The following SYT1 variants were observed in gnomAD, a reference collection of about 807,000 sequenced individuals.
SYT1 encodes the protein synaptotagmin-1.
A neutral mutation model predicts 44.8 loss-of-function variants in SYT1; 8 were observed. The observed-to-expected ratio is 0.18, with a 90% confidence interval of 0.10 to 0.32. The LOEUF (loss-of-function observed/expected upper bound fraction) is 0.32, where lower values mean the gene tolerates loss of function less well. Among genes scored for constraint, SYT1 ranks in the 10% least tolerant of loss-of-function variants. The probability of loss-of-function intolerance (pLI) is 1.00; values close to 1 mark genes in which losing one functional copy is unlikely to be tolerated. For synonymous variants in SYT1, 154 were observed against 188.8 expected, an observed-to-expected ratio of 0.82 and a Z score of 1.51; for missense variants, 286 against 509.3, an observed-to-expected ratio of 0.56 and a Z score of 4.22.
intron 8 of SYT1, among the ~76,000 whole-genome samples, chr12:79,314,918 C>T (rs115652028): frequency 0.011 from 1,635 of 152,286 alleles, 27 homozygotes; most frequent in African/African-American, 0.036. Context: ...TGCTATAACA[C>T]TCATGAGCCA....
chr12:79,408,201 C>A (rs1027916522), intron 9 of SYT1, among the ~76,000 whole-genome samples: 1 of 152,068 alleles, frequency 6.6e-6, no homozygotes, highest in Non-Finnish European at 1.5e-5. Flanking sequence ...GGTTCATTGT[C>A]GATTCTGGAC....
intron 9 of SYT1, among the ~76,000 whole-genome samples, chr12:79,369,239 T>C (rs1883684877): frequency 6.6e-6 from 1 of 152,164 alleles, no homozygotes; most frequent in Non-Finnish European, 1.5e-5. Flanking sequence ...CCCAGAACTT[T>C]AGAAGGCTGA....
chr12:79,381,476 T>C (rs1452656011), intron 9 of SYT1, among the ~76,000 whole-genome samples: 1 of 152,224 alleles, frequency 6.6e-6, no homozygotes, highest in African/African-American at 2.4e-5. Flanking sequence ...GTGTACTTAC[T>C]TCCCATCTTA....
At chr12:78,962,046 C>T (rs1200370936) in intron 1 of SYT1, among the ~76,000 whole-genome samples, 1 of 151,962 alleles carries the variant, frequency 6.6e-6, no homozygotes, top group Non-Finnish European at 1.5e-5. Flanking sequence ...GGTTTCTTCT[C>T]GTTTTTGTTT....
At chr12:78,988,958 T>C (rs1174699635) in intron 2 of SYT1, among the ~76,000 whole-genome samples, 1 of 152,124 alleles carries the variant, frequency 6.6e-6, no homozygotes, top group Non-Finnish European at 1.5e-5. Context: ...CTTATGGCTG[T>C]ACACTACTGA....
chr12:78,964,693 G>C (rs1381622367), intron 1 of SYT1, among the ~76,000 whole-genome samples: 2 of 152,144 alleles, frequency 1.3e-5, no homozygotes, highest in African/African-American at 4.8e-5. Flanking sequence ...ATTCCTGTAA[G>C]TGTTATGACC....
At chr12:79,121,338 A>G (rs1487875912) in intron 3 of SYT1, among the ~76,000 whole-genome samples, 25 of 152,198 alleles carry the variant, frequency 1.6e-4, no homozygotes, top group Admixed American at 1.6e-3. Context: ...CTGCAGGAGT[A>G]GATAGCCTCA....
chr12:79,044,266 G>T (rs993485093), intron 2 of SYT1, among the ~76,000 whole-genome samples: 12 of 152,250 alleles, frequency 7.9e-5, no homozygotes, highest in African/African-American at 2.9e-4. Flanking sequence ...AGGTACACCA[G>T]TCAGACGTAG....
intron 4 of SYT1, among the ~76,000 whole-genome samples, chr12:79,241,379 TC>T (rs961522268): frequency 3.2e-4 from 49 of 152,228 alleles, no homozygotes; most frequent in African/African-American, 1.2e-3. Context: ...CACGTGATTC[TC>T]CTGCCTCAGC....
chr12:79,345,892 A>T (rs1349391608), intron 8 of SYT1, among the ~76,000 whole-genome samples: 1 of 152,218 alleles, frequency 6.6e-6, no homozygotes, highest in Non-Finnish European at 1.5e-5. Flanking sequence ...TTGGGTCTCC[A>T]TTTGTATGTC....
At position 78,930,073 on chromosome 12, in the gene SYT1, G is replaced by A. The variant is rs183934206; in HGVS notation, c.-216-47726G>A. ...CAGGGATAAAATTTCAGTTAAACTG[G>A]AGGAATAAGTTTTAGTAATCTATTG... On this transcript the variant is annotated intron_variant, in intron 1 of 10. Coordinates refer to ENST00000261205, the MANE Select transcript of SYT1 (RefSeq NM_005639.3). Among the ~76,000 whole-genome samples, 531 of 152,206 alleles carry A rather than the reference G, an allele frequency of 3.5e-3. 2 individuals carry two copies. Among genetic ancestry groups the A allele is most frequent in the South Asian group, 0.014 (68 of 4,826 alleles).
chr12:79,031,093 A>G (rs1266791089), intron 2 of SYT1, among the ~76,000 whole-genome samples: 1 of 151,102 alleles, frequency 6.6e-6, no homozygotes, highest in East Asian at 1.9e-4. Flanking sequence ...TTAAAAAATG[A>G]TTTACATAAA....
At chr12:79,114,184 T>G (rs910502599) in intron 3 of SYT1, among the ~76,000 whole-genome samples, 1 of 151,886 alleles carries the variant, frequency 6.6e-6, no homozygotes, top group Non-Finnish European at 1.5e-5. Context: ...GAAGGATGAG[T>G]AGGTAAGAGG....
chr12:78,940,908 A>G (rs1192249157), intron 1 of SYT1, among the ~76,000 whole-genome samples: 2 of 152,130 alleles, frequency 1.3e-5, no homozygotes, highest in African/African-American at 2.4e-5. Context: ...AGAAAGGTCA[A>G]CATTGAAAAC....
In SYT1 at chr12:79,410,154, C is replaced by G. The variant is rs528211293; in HGVS notation, c.929-33919C>G. 1.2e-4 allele frequency among the ~76,000 whole-genome samples: 19 copies of G among 152,234 alleles called. No homozygotes were observed. The South Asian group carries it at 3.9e-3, about 32-fold the overall frequency. ...ATCCCTCTGTTCTACAAATTAGCCA[C>G]ATGAAGAAAACTGAGAGAATAAGTT... On this transcript the variant is annotated intron_variant, in intron 9 of 10. Transcript: ENST00000261205.
intron 1 of SYT1, among the ~76,000 whole-genome samples, chr12:78,957,129 A>G (rs139028095): frequency 1.6e-3 from 250 of 152,260 alleles, no homozygotes; most frequent in African/African-American, 5.3e-3. Flanking sequence ...TTTTCTATCA[A>G]TTGTCAATTT....
chr12:79,299,637 A>G (rs1359340577), intron 8 of SYT1, 86 bp downstream of exon 8: 5 of 1,495,526 alleles, frequency 3.3e-6, no homozygotes, highest in Admixed American at 4.3e-5. Context: ...AATACTCTTT[A>G]CAAAGGGGGA....
At chr12:79,222,657 C>T (rs1012361516) in intron 4 of SYT1, among the ~76,000 whole-genome samples, 9 of 152,080 alleles carry the variant, frequency 5.9e-5, no homozygotes, top group African/African-American at 1.9e-4. Context: ...TGCTGGGATT[C>T]CAGGCGTGAG....
intron 2 of SYT1, among the ~76,000 whole-genome samples, chr12:79,024,616 T>C (rs959694556): frequency 2.0e-5 from 3 of 151,788 alleles, no homozygotes; most frequent in African/African-American, 7.3e-5. Flanking sequence ...GAGTTTCTAA[T>C]TGCTAGGAAA....
Sources: allele counts gnomAD v4.1 joint callset (sites outside exome capture counted in the v4.1 genomes callset), GRCh38; gene constraint gnomAD v4.1.1; transcripts MANE v1.5; gene names NCBI Gene and HGNC (gene_info 2026-07-23, HGNC 2026-07-21).